Variants in DLC1 observed in about 807,000 individuals in gnomAD.
The protein encoded by DLC1 is DLC1 Rho GTPase activating protein, also known as rho GTPase-activating protein 7.
DLC1 carries 54 observed loss-of-function variants against 140.3 expected under a neutral mutation model. The ratio of observed to expected loss-of-function variants is 0.38; its 90% CI spans 0.31 to 0.48. The LOEUF is 0.48. Among genes scored for constraint, DLC1 ranks in the 20% least tolerant of loss-of-function variants. DLC1 has a pLI of 0.96. For synonymous variants in DLC1, 986 were observed against 728.1 expected (o/e 1.35, Z -5.70); for missense variants, 2,536 against 1,907.0 (o/e 1.33, Z -6.14).
At chr8:13,483,883 A>G (rs1800850726) in intron 2 of DLC1, among the ~76,000 whole-genome samples, 1 of 152,144 alleles carries the variant, frequency 6.6e-6, no homozygotes, top group South Asian at 2.1e-4. Flanking sequence ...GGAGTTCGAG[A>G]TCAGCCTGGC....
At chr8:13,385,550 G>A (rs1485249898) in intron 4 of DLC1, among the ~76,000 whole-genome samples, 1 of 152,108 alleles carries the variant, frequency 6.6e-6, no homozygotes, top group Non-Finnish European at 1.5e-5. Flanking sequence ...GTTTTCAAGT[G>A]GTGGCATCTT....
intron 5 of DLC1, among the ~76,000 whole-genome samples, chr8:13,128,489 G>C (rs1585712657): frequency 6.6e-6 from 1 of 152,186 alleles, no homozygotes; most frequent in Non-Finnish European, 1.5e-5. Flanking sequence ...ATAAGGCTCC[G>C]TAAGGGCCAC....
At chr8:13,361,852 A>T (rs994352374) in intron 4 of DLC1, among the ~76,000 whole-genome samples, 1 of 152,196 alleles carries the variant, frequency 6.6e-6, no homozygotes, top group Non-Finnish European at 1.5e-5. Context: ...TATATCAATA[A>T]TCTTCTATAA....
chr8:13,133,029 C>A lies in DLC1; in HGVS notation c.1349-17372G>T, dbSNP rs767578361. The A allele has an allele frequency of 1.6e-5, 25 of 1,588,688 alleles. No homozygotes were observed. The East Asian group carries it at 4.3e-4, about 28-fold the overall frequency. On this transcript the variant is annotated intron_variant, in intron 5 of 17. Transcript: ENST00000276297. Reference sequence around the variant, plus strand: ...AGCGCTGTGGGGAAGTCGAGGCAGGCGGAGGCGGCTCGGCTTCCGCGTCGG... The same window carrying A: ...AGCGCTGTGGGGAAGTCGAGGCAGGAGGAGGCGGCTCGGCTTCCGCGTCGG...
chr8:13,130,882 G>T (rs1008402199), intron 5 of DLC1, among the ~76,000 whole-genome samples: 1 of 152,216 alleles, frequency 6.6e-6, no homozygotes, highest in African/African-American at 2.4e-5. Context: ...ACAGCCAGGA[G>T]AGAAACTCAG....
At chr8:13,141,196 G>T (rs142035341) in intron 5 of DLC1, among the ~76,000 whole-genome samples, 1 of 145,474 alleles carries the variant, frequency 6.9e-6, no homozygotes, top group African/African-American at 2.5e-5. Context: ...TGGAGTTTGC[G>T]GTGAGCCGAG....
intron 5 of DLC1, among the ~76,000 whole-genome samples, chr8:13,188,435 A>C (rs1275808410): frequency 6.7e-6 from 1 of 149,402 alleles, no homozygotes; most frequent in Non-Finnish European, 1.5e-5. Context: ...AAAAAAAAAA[A>C]AAAAAAGAAA....
intron 2 of DLC1, among the ~76,000 whole-genome samples, chr8:13,414,442 C>G (rs1369846101): frequency 1.3e-5 from 2 of 152,294 alleles, no homozygotes; most frequent in African/African-American, 4.8e-5. Context: ...TGAATCCTGG[C>G]TTGACCAATT....
intron 5 of DLC1, among the ~76,000 whole-genome samples, chr8:13,148,446 C>T (rs905599041): frequency 3.3e-5 from 5 of 152,176 alleles, no homozygotes; most frequent in Non-Finnish European, 5.9e-5. Context: ...TCCACATTCC[C>T]GCAAAAGACA....
At chr8:13,469,091 T>C (rs1026551483) in intron 2 of DLC1, among the ~76,000 whole-genome samples, 2 of 152,172 alleles carry the variant, frequency 1.3e-5, no homozygotes, top group Non-Finnish European at 2.9e-5. Flanking sequence ...AGTGCTGGGA[T>C]TACAGGCGTG....
intron 4 of DLC1, among the ~76,000 whole-genome samples, chr8:13,385,910 A>G (rs754092377): frequency 1.1e-4 from 17 of 152,208 alleles, no homozygotes; most frequent in Admixed American, 6.5e-5. Flanking sequence ...ATGTAATTAG[A>G]GCTTGGAGAC....
chr8:13,522,514 A>C (rs1426111269), intron 1 of DLC1, among the ~76,000 whole-genome samples: 1 of 151,982 alleles, frequency 6.6e-6, no homozygotes, highest in African/African-American at 2.4e-5. Context: ...AATCCCATTT[A>C]CTCGGGTGGC....
At chr8:13,155,060 C>T (rs34489913) in intron 5 of DLC1, among the ~76,000 whole-genome samples, 57,232 of 151,440 alleles carry the variant, frequency 0.38, 11,204 homozygotes, top group East Asian at 0.53. Context: ...CATTCTGTAA[C>T]GTATATACTT....
intron 5 of DLC1, among the ~76,000 whole-genome samples, chr8:13,133,642 A>G (rs967865635): frequency 6.6e-6 from 1 of 150,670 alleles, no homozygotes; most frequent in African/African-American, 2.4e-5. Context: ...GTCGCCAACT[A>G]TTGGCCCCGG....
In DLC1 at chr8:13,232,313, C is replaced by T. The variant is rs75672002; in HGVS notation, c.1348+72956G>A. Among the ~76,000 whole-genome samples, 177 of 152,100 alleles carry T rather than the reference C, an allele frequency of 1.2e-3. 4 individuals are homozygous for T. The East Asian group carries it at 0.031, about 27-fold the overall frequency. On this transcript the variant is annotated intron_variant, in intron 5 of 17. Coordinates refer to ENST00000276297, the MANE Select transcript of DLC1 (RefSeq NM_182643.3). ...TATTGAAGCATTTTGACTTCCTTGC[C>T]ATTCCAACCTGATGATTCTGCTACA...
chr8:13,367,407 C>G (rs1835538411), intron 4 of DLC1, among the ~76,000 whole-genome samples: 1 of 152,136 alleles, frequency 6.6e-6, no homozygotes, highest in South Asian at 2.1e-4. Context: ...TAGGTGCTGC[C>G]TACATGTTAG....
intron 5 of DLC1, among the ~76,000 whole-genome samples, chr8:13,159,224 C>T (rs945558010): frequency 1.4e-4 from 22 of 152,270 alleles, no homozygotes; most frequent in Middle Eastern, 3.4e-3. Flanking sequence ...AATTCTCATG[C>T]GTCCACTCCC....
Position 13,458,247 on chromosome 8 carries a change from G to A in DLC1, c.1023+40802C>T, listed in dbSNP as rs1799501790. Among the ~76,000 whole-genome samples the A allele has an allele frequency of 2.0e-5, 3 of 152,128 alleles. No homozygotes were observed. The South Asian group carries it at 6.2e-4, about 31-fold the overall frequency. ...TGTTATGTTTATTACCATTAGTTGT[G>A]TAACTTTGATGGAGCAATTTTGGCA... On this transcript the variant is annotated intron_variant, in intron 2 of 17. Transcript: ENST00000276297.
intron 1 of DLC1, among the ~76,000 whole-genome samples, chr8:13,591,809 G>C (rs554948782): frequency 1.6e-4 from 24 of 152,064 alleles, no homozygotes; most frequent in Non-Finnish European, 3.5e-4. Flanking sequence ...AATAGATTTT[G>C]ACTTCAACAA....
Sources: gnomAD v4.1 joint callset for allele counts (sites outside exome capture counted in the v4.1 genomes callset) on GRCh38, gnomAD v4.1.1 for gene constraint, MANE v1.5 for transcripts, NCBI Gene and HGNC (gene_info 2026-07-23, HGNC 2026-07-21) for gene names.